Variants in MYOM2 observed in about 807,000 individuals in gnomAD.
The protein encoded by MYOM2 is myomesin-2.
MYOM2 carries 254 observed loss-of-function variants against 187.6 expected under a neutral mutation model. The ratio of observed to expected loss-of-function variants is 1.35; its 90% CI spans 1.22 to 1.50. MYOM2 has a LOEUF of 1.50. Among genes scored for constraint, MYOM2 ranks in the 40% most tolerant of loss-of-function variants. MYOM2 has a pLI of 0.00. For missense variants in MYOM2, 2,796 were observed against 1,924.0 expected (o/e 1.45, Z -8.48); for synonymous variants, 981 against 753.8 (o/e 1.30, Z -4.94).
intron 1 of MYOM2, among the ~76,000 whole-genome samples, chr8:2,047,879 G>T (rs965294000): frequency 6.6e-6 from 1 of 152,218 alleles, no homozygotes; most frequent in African/African-American, 2.4e-5. Context: ...CACAGGACCG[G>T]ATGTCACGTC....
At chr8:2,075,171 C>A (rs565440652) in intron 10 of MYOM2, among the ~76,000 whole-genome samples, 19 of 152,200 alleles carry the variant, frequency 1.2e-4, no homozygotes, top group Non-Finnish European at 2.5e-4. Context: ...ACTTCCCACA[C>A]GATAGCCTGA....
At chr8:2,097,583 C>T (rs1293158664) in intron 18 of MYOM2, among the ~76,000 whole-genome samples, 1 of 152,140 alleles carries the variant, frequency 6.6e-6, no homozygotes, top group Non-Finnish European at 1.5e-5. Flanking sequence ...GGCACGATCT[C>T]GGCTCACTGC....
At chr8:2,070,300 A>T (rs532701453) in intron 8 of MYOM2, among the ~76,000 whole-genome samples, 1 of 152,254 alleles carries the variant, frequency 6.6e-6, no homozygotes, top group African/African-American at 2.4e-5. Context: ...GCTCTGGGCC[A>T]CGTGCTGGGA....
chr8:2,129,787 G>A (rs932327261), intron 32 of MYOM2, among the ~76,000 whole-genome samples: 3 of 152,166 alleles, frequency 2.0e-5, no homozygotes, highest in African/African-American at 7.2e-5. Flanking sequence ...GGTCCCTGCT[G>A]CCCTGCCTCT....
chr8:2,100,715 T>A (rs1697826261), intron 19 of MYOM2, among the ~76,000 whole-genome samples, 161 bp from the exon 20 acceptor site: 1 of 152,028 alleles, frequency 6.6e-6, no homozygotes, highest in Admixed American at 6.5e-5. Context: ...CTCCTTACCC[T>A]GCTCTGCAAG....
intron 8 of MYOM2, among the ~76,000 whole-genome samples, chr8:2,070,095 G>A (rs1819162006): frequency 6.6e-6 from 1 of 152,190 alleles, no homozygotes; most frequent in Non-Finnish European, 1.5e-5. Context: ...CAGTCCCATG[G>A]TGCTGGGTGA....
intron 6 of MYOM2, among the ~76,000 whole-genome samples, chr8:2,062,857 C>T (rs975850462): frequency 4.6e-5 from 7 of 152,142 alleles, no homozygotes; most frequent in Non-Finnish European, 8.8e-5. Context: ...AATGATATAC[C>T]TTTCTCAAGA....
rs764103556 is a variant in MYOM2, at chr8:2,143,360, C to T, written c.4025-41C>T. 2.5e-6 allele frequency: 4 copies of T among 1,613,414 alleles called. No homozygotes were observed. The South Asian group carries it at 4.4e-5, about 18-fold the overall frequency. ...CATGGCTCCTGCTCCGTGGGAACGT[C>T]CCGCAGATGTTTTCCTAACCAAGGT... On this transcript the variant is annotated intron_variant, in intron 35 of 36. Coordinates refer to ENST00000262113, the MANE Select transcript of MYOM2 (RefSeq NM_003970.4).
chr8:2,131,548 T>G (rs929182784), intron 32 of MYOM2, among the ~76,000 whole-genome samples: 1 of 151,984 alleles, frequency 6.6e-6, no homozygotes, highest in African/African-American at 2.4e-5. Context: ...GAAGGAGGTG[T>G]TATTGTAAAT....
chr8:2,049,856 T>A (rs2129326632), intron 1 of MYOM2, among the ~76,000 whole-genome samples: 1 of 152,250 alleles, frequency 6.6e-6, no homozygotes, highest in East Asian at 1.9e-4. Context: ...TGCTGCAAGT[T>A]CCCAGAGAAA....
rs562189105 is a variant in MYOM2 at position 2,145,330 on chromosome 8, C to T, written c.*349C>T. 6.3e-5 allele frequency: 22 copies of T among 350,034 alleles called. No individual in the cohort carries two copies. Among genetic ancestry groups the T allele is most frequent in the African/African-American group, 3.4e-4 (16 of 46,946 alleles). The allele number at this position is 350,034 out of a possible 1,614,324, so 21.7% of individuals were successfully genotyped here. ...CATGTGGCGGTCTGTGTGAAGCCAC[C>T]GTGCTTCTCTTTGGGGGGCCGCGAG... On this transcript the variant is annotated 3_prime_UTR_variant, in exon 37 of 37. Coordinates refer to ENST00000262113, the MANE Select transcript of MYOM2 (RefSeq NM_003970.4).
At chr8:2,079,528 G>A in intron 12 of MYOM2, 32 bp from the exon 13 acceptor site, 2 of 1,612,464 alleles carry the variant, frequency 1.2e-6, no homozygotes, top group Non-Finnish European at 1.7e-6. Flanking sequence ...AACTTCGCAT[G>A]TCAAATCGAG....
At chr8:2,075,670 C>T (rs760033058) in intron 10 of MYOM2, among the ~76,000 whole-genome samples, 1 of 152,172 alleles carries the variant, frequency 6.6e-6, no homozygotes, top group Non-Finnish European at 1.5e-5. Context: ...GACTGAGAAA[C>T]GAATGATGCA....
chr8:2,065,579 G>T (rs1818992165), intron 6 of MYOM2, among the ~76,000 whole-genome samples: 1 of 152,062 alleles, frequency 6.6e-6, no homozygotes, highest in African/African-American at 2.4e-5. Context: ...CAACAAAAAA[G>T]AGCCTCGGCA....
At chr8:2,129,340 C>G (rs557238112) in intron 32 of MYOM2, 108 bp downstream of exon 32, 8 of 646,762 alleles carry the variant, frequency 1.2e-5, no homozygotes, top group East Asian at 5.4e-5. Context: ...GCCATTTCCC[C>G]TCAAAATTTT....
rs780987387 is a variant in MYOM2 at position 2,052,217 on chromosome 8, G to A, written c.167G>A (p.Arg56Lys). 4.3e-6 allele frequency: 7 copies of A among 1,613,298 alleles called. No individual in the cohort carries two copies. The highest frequency in any genetic ancestry group is 1.7e-6 in the Non-Finnish European group (2 of 1,179,736). The change falls in exon 3 of 37, where the codon AGA becomes AAA. Residue 56 changes from arginine (R) to lysine (K), a missense_variant. Physicochemically the swap from Arg to Lys is conservative, Grantham distance 26. Coordinates refer to ENST00000262113, the MANE Select transcript of MYOM2 (RefSeq NM_003970.4). The stretch of plus-strand genomic sequence containing the variant: ...TTGAGTCAGCGGTCGTCTTCACAGA[G>A]AGCCTCCAGCCAGACGTCCCTGGGA... ...KSLSQRSSSQ[R>K]ASSQTSLGGT...
At chr8:2,088,516 T>G (rs1796176162) in intron 14 of MYOM2, among the ~76,000 whole-genome samples, 1 of 152,218 alleles carries the variant, frequency 6.6e-6, no homozygotes, top group African/African-American at 2.4e-5. Context: ...AGTGAGAACA[T>G]GCAGTATTTG....
At chr8:2,097,106 C>T (rs1796520550) in intron 18 of MYOM2, 12 of 981,786 alleles carry the variant, frequency 1.2e-5, no homozygotes, top group South Asian at 4.7e-5. Flanking sequence ...TCAGGGGAGT[C>T]ACTTACACTC....
chr8:2,135,322 C>T (rs80090611), intron 32 of MYOM2, among the ~76,000 whole-genome samples: 11 of 152,180 alleles, frequency 7.2e-5, no homozygotes, highest in East Asian at 3.9e-4. Context: ...TATGTCTTTA[C>T]GTTCTGGGTG....
Sources: gnomAD v4.1 joint callset for allele counts (sites outside exome capture counted in the v4.1 genomes callset) on GRCh38, gnomAD v4.1.1 for gene constraint, MANE v1.5 for transcripts, NCBI Gene and HGNC (gene_info 2026-07-23, HGNC 2026-07-21) for gene names.